The following OARD1 variants were observed in gnomAD, a reference collection of about 807,000 sequenced individuals.
OARD1 encodes ADP-ribose glycohydrolase OARD1.
OARD1 carries 19 observed loss-of-function variants against 19.7 expected under a neutral mutation model. The ratio of observed to expected loss-of-function variants is 0.96; its 90% CI spans 0.67 to 1.41. OARD1 has a LOEUF of 1.41. Ranked by LOEUF, OARD1 falls within the 40% of genes most tolerant of loss-of-function variation. OARD1 has a pLI of 0.00. For synonymous variants in OARD1, 70 were observed against 61.8 expected, an observed-to-expected ratio of 1.13 and a Z score of -0.62; for missense variants, 190 against 183.8, an observed-to-expected ratio of 1.03 and a Z score of -0.20.
intron 1 of OARD1, among the ~76,000 whole-genome samples, chr6:41,092,613 G>C (rs1764226268): frequency 6.6e-6 from 1 of 152,058 alleles, no homozygotes; most frequent in Admixed American, 6.6e-5. Flanking sequence ...TATGACTACT[G>C]TTCCTGACCA....
intron 1 of OARD1, among the ~76,000 whole-genome samples, chr6:41,083,274 A>G (rs1346453778): frequency 1.3e-5 from 2 of 152,206 alleles, no homozygotes; most frequent in African/African-American, 4.8e-5. Flanking sequence ...GGAGCTTGAA[A>G]TTTGTACACT....
At chr6:41,068,307 T>C (rs1022510116) in intron 5 of OARD1, among the ~76,000 whole-genome samples, 1 of 152,166 alleles carries the variant, frequency 6.6e-6, no homozygotes, top group African/African-American at 2.4e-5. Flanking sequence ...TCAATGTCAT[T>C]CCCTAAATTC....
rs1297595492 is a variant in OARD1 at position 41,067,284 on chromosome 6, C to T, written c.*51G>A. 2 of 1,214,858 alleles carry T rather than the reference C, an allele frequency of 1.6e-6. No individual in the cohort carries two copies. The allele number at this position is 1,214,858 out of a possible 1,614,324, so 75.3% of individuals were successfully genotyped here. On this transcript the variant is annotated 3_prime_UTR_variant, in exon 6 of 6. Coordinates refer to ENST00000424266, the MANE Select transcript of OARD1 (RefSeq NM_001329686.2). ...AGGTAGGTTTGCCCGGTCCTATGGC[C>T]CAGTAGAGATGACACAGGAGAACAC...
At chr6:41,087,328 C>T (rs998218529) in intron 1 of OARD1, among the ~76,000 whole-genome samples, 6 of 152,194 alleles carry the variant, frequency 3.9e-5, no homozygotes, top group Non-Finnish European at 8.8e-5. Flanking sequence ...GTCTCTAAGA[C>T]ATGGAACCCA....
chr6:41,079,451 A>C (rs1763848521), intron 1 of OARD1, among the ~76,000 whole-genome samples: 2 of 152,124 alleles, frequency 1.3e-5, no homozygotes, highest in African/African-American at 4.8e-5. Context: ...TCTGGATTCT[A>C]TTTGGTCTTT....
chr6:41,073,237 C>G (rs557933940), upstream of OARD1, among the ~76,000 whole-genome samples: 28 of 151,722 alleles, frequency 1.8e-4, no homozygotes, highest in Non-Finnish European at 3.7e-4. Context: ...CGGCCCCGGC[C>G]CGGGGCCTGC....
intron 1 of OARD1, among the ~76,000 whole-genome samples, chr6:41,086,585 G>A (rs1017508852): frequency 6.6e-6 from 1 of 151,750 alleles, no homozygotes; most frequent in African/African-American, 2.4e-5. Context: ...AACCTTTTTT[G>A]AATTGTATTC....
chr6:41,065,719 T>C lies in OARD1; in HGVS notation c.*1616A>G, dbSNP rs903211809. 3.9e-5 allele frequency: 6 copies of C among 152,232 alleles called. No homozygotes were observed. The highest frequency in any genetic ancestry group is 2.0e-4 in the Admixed American group (3 of 15,290). 9.4% of individuals were successfully genotyped at this position (152,232 alleles called of 1,614,324 possible). Reference sequence around the variant, plus strand: ...ACTGTTGCCTCTTATCAGGCTGATATGTGATAAGAACACAGTCTAAAGTAC... The same window carrying C: ...ACTGTTGCCTCTTATCAGGCTGATACGTGATAAGAACACAGTCTAAAGTAC... On this transcript the variant is annotated 3_prime_UTR_variant, in exon 6 of 6. Transcript: ENST00000424266.
intron 1 of OARD1, among the ~76,000 whole-genome samples, chr6:41,095,149 C>G (rs911333422): frequency 2.6e-5 from 4 of 152,208 alleles, no homozygotes; most frequent in Non-Finnish European, 5.9e-5. Flanking sequence ...AGTCCCTGTT[C>G]TGCTCAAGCT....
chr6:41,082,030 G>A lies in OARD1; in HGVS notation c.-41-10355C>T, dbSNP rs12200736. ...AACTCTATTTTTGAGAAATTGGCAA[G>A]ATTTGGGTACCCTACTTTTTCCCTC... On this transcript the variant is annotated intron_variant, in intron 1 of 4. Transcript: ENST00000480585. Among the ~76,000 whole-genome samples the A allele has an allele frequency of 5.9e-3, 898 of 152,316 alleles. 4 individuals carry two copies. Among genetic ancestry groups the A allele is most frequent in the Non-Finnish European group, 9.7e-3 (663 of 68,022 alleles).
intron 1 of OARD1, among the ~76,000 whole-genome samples, chr6:41,081,228 G>A (rs1372427216): frequency 1.3e-5 from 2 of 152,170 alleles, no homozygotes; most frequent in African/African-American, 2.4e-5. Context: ...GGTGGCTCAC[G>A]CCTGTAATCC....
intron 3 of OARD1, chr6:41,070,732 A>C (rs1354644383): frequency 2.8e-6 from 1 of 358,874 alleles, no homozygotes; most frequent in African/African-American, 2.1e-5. Flanking sequence ...TCTAGTGCAC[A>C]TTTCTGGTTT....
intron 1 of OARD1, chr6:41,089,451 C>A: frequency 1.0e-6 from 1 of 981,842 alleles, no homozygotes; most frequent in Admixed American, 3.5e-5. Flanking sequence ...TAATGGAGGG[C>A]AGAGCAGGAC....
intron 1 of OARD1, among the ~76,000 whole-genome samples, chr6:41,090,966 CAG>C (rs1168573904): frequency 6.6e-6 from 1 of 152,126 alleles, no homozygotes; most frequent in African/African-American, 2.4e-5. Flanking sequence ...ATACAGGATC[CAG>C]AGAGTGCACT....
intron 1 of OARD1, among the ~76,000 whole-genome samples, chr6:41,087,324 A>G (rs1355275917): frequency 6.6e-6 from 1 of 152,238 alleles, no homozygotes; most frequent in African/African-American, 2.4e-5. Context: ...GAATGTCTCT[A>G]AGACATGGAA....
chr6:41,082,202 A>G (rs562993845), intron 1 of OARD1, among the ~76,000 whole-genome samples: 2 of 152,270 alleles, frequency 1.3e-5, no homozygotes, highest in Admixed American at 1.3e-4. Context: ...CCTGCCACCA[A>G]TAGTGTTTGG....
At chr6:41,086,446 C>T (rs551434610) in intron 1 of OARD1, among the ~76,000 whole-genome samples, 9 of 152,094 alleles carry the variant, frequency 5.9e-5, no homozygotes, top group Non-Finnish European at 1.2e-4. Flanking sequence ...TATTCTGTTA[C>T]GTAAATAAAG....
chr6:41,073,373 C>T (rs1368025659), upstream of OARD1, among the ~76,000 whole-genome samples: 1 of 151,870 alleles, frequency 6.6e-6, no homozygotes, highest in African/African-American at 2.4e-5. Flanking sequence ...GGAATGCGTC[C>T]CTGTTCCCCG....
At position 41,071,679 on chromosome 6, in the gene OARD1, T is replaced by G. The variant is rs746573123; in HGVS notation, c.-41-4A>C. The stretch of plus-strand genomic sequence containing the variant: ...CAGAATTTAAGTGTTTCTTCAGCTA[T>G]GAGAAGGGAAAAGGAAGTAAAAATG... On this transcript the variant is annotated splice_region_variant and splice_polypyrimidine_tract_variant and intron_variant, in intron 1 of 5. Transcript: ENST00000424266. 3 of 1,553,534 alleles carry G rather than the reference T, an allele frequency of 1.9e-6. No homozygotes were observed. The South Asian group carries it at 3.3e-5, about 17-fold the overall frequency.
Sources: gnomAD v4.1 joint callset for allele counts (sites outside exome capture counted in the v4.1 genomes callset) on GRCh38, gnomAD v4.1.1 for gene constraint, MANE v1.5 for transcripts, NCBI Gene and HGNC (gene_info 2026-07-23, HGNC 2026-07-21) for gene names.